CRPPA: variants seen among roughly 807,000 people sequenced by gnomAD.
The protein encoded by CRPPA is CDP-L-ribitol pyrophosphorylase A, also known as D-ribitol-5-phosphate cytidylyltransferase.
Under a neutral mutation model 52.0 loss-of-function variants are expected in CRPPA, and 43 were observed. The observed-to-expected ratio is 0.83, with a 90% CI of 0.65 to 1.07. The LOEUF (loss-of-function observed/expected upper bound fraction) is 1.07, where lower values mean the gene tolerates loss of function less well. Ranked by LOEUF, CRPPA falls within the 50% of genes least tolerant of loss-of-function variation. The probability of loss-of-function intolerance (pLI) is 0.00; values close to 1 mark genes in which losing one functional copy is unlikely to be tolerated. For missense variants in CRPPA, 629 were observed against 551.7 expected (o/e 1.14, Z -1.40); for synonymous variants, 250 against 203.5 (o/e 1.23, Z -1.94).
rs1781729830 is a variant in CRPPA at position 16,087,933 on chromosome 7, A to G, written c.*3762T>C. The G allele has an allele frequency of 6.6e-6, 1 of 152,330 alleles. No homozygotes were observed. The highest frequency in any genetic ancestry group is 1.9e-4 in the East Asian group (1 of 5,190). The allele number at this position is 152,330 out of a possible 1,614,324, so 9.4% of individuals were successfully genotyped here. On this transcript the variant is annotated 3_prime_UTR_variant, in exon 10 of 10. Transcript: ENST00000407010. ...AGACATTCTGTAATTTGATTTTTATAAGATGATCACTGTATTTACATAAAG... is the reference window on the plus strand; with the variant it reads ...AGACATTCTGTAATTTGATTTTTATGAGATGATCACTGTATTTACATAAAG...
chr7:16,237,540 A>T (rs1338889789), intron 8 of CRPPA: 1 of 152,144 alleles, frequency 6.6e-6, no homozygotes, highest in African/African-American at 2.4e-5. Flanking sequence ...TTAACCATAT[A>T]AATTTTGAGG....
rs1781730450 is a variant in CRPPA, at chr7:16,087,957, A to C, written c.*3738T>G. The stretch of plus-strand genomic sequence containing the variant: ...TAAGATGATCACTGTATTTACATAA[A>C]GTTGAGTTATAAGTTAGGGAAGAAA... On this transcript the variant is annotated 3_prime_UTR_variant, in exon 10 of 10. Coordinates refer to ENST00000407010, the MANE Select transcript of CRPPA (RefSeq NM_001101426.4). 1 of 152,200 alleles carries C rather than the reference A, an allele frequency of 6.6e-6. No homozygotes were observed. The highest frequency in any genetic ancestry group is 6.5e-5 in the Admixed American group (1 of 15,284). The allele number at this position is 152,200 out of a possible 1,614,324, so 9.4% of individuals were successfully genotyped here.
chr7:16,278,671 A>G lies in CRPPA; in HGVS notation c.836-445T>C, dbSNP rs1295126. Among the ~76,000 whole-genome samples the G allele has an allele frequency of 4.5e-3, 689 of 152,308 alleles. 4 individuals carry two copies. Among genetic ancestry groups the G allele is most frequent in the African/African-American group, 0.015 (627 of 41,562 alleles). On this transcript the variant is annotated intron_variant, in intron 5 of 9. Coordinates refer to ENST00000407010, the MANE Select transcript of CRPPA (RefSeq NM_001101426.4). The stretch of plus-strand genomic sequence containing the variant: ...GCCATCCAGTGCCTTGGTTAAGTAC[A>G]TTGTGTTCCTTGACATTCCTCTAGA...
intron 8 of CRPPA, 90 bp from the exon 9 acceptor site, chr7:16,216,287 G>C: frequency 1.3e-6 from 1 of 761,646 alleles, no homozygotes; most frequent in Non-Finnish European, 2.1e-6. Flanking sequence ...AAACCCATAT[G>C]ATTACAATAT....
At chr7:16,419,071 G>A (rs1333951814) in intron 1 of CRPPA, among the ~76,000 whole-genome samples, 2 of 152,172 alleles carry the variant, frequency 1.3e-5, no homozygotes, top group Non-Finnish European at 2.9e-5. Flanking sequence ...TAGGTAAGTG[G>A]TTCATGAAAT....
intron 9 of CRPPA, among the ~76,000 whole-genome samples, chr7:16,130,684 A>G (rs1260395423): frequency 1.3e-5 from 2 of 152,192 alleles, no homozygotes; most frequent in Non-Finnish European, 2.9e-5. Flanking sequence ...ATTAGTGTCT[A>G]TATCCTATTT....
chr7:16,114,315 C>A (rs1313222295), intron 9 of CRPPA, among the ~76,000 whole-genome samples: 2 of 151,080 alleles, frequency 1.3e-5, no homozygotes, highest in African/African-American at 2.4e-5. Context: ...CACACACACA[C>A]ACCTTTGATA....
Position 16,230,708 on chromosome 7 carries a change from T to A in CRPPA, c.1120-14511A>T, listed in dbSNP as rs1782769761. On this transcript the variant is annotated intron_variant, in intron 8 of 9. Coordinates refer to ENST00000407010, the MANE Select transcript of CRPPA (RefSeq NM_001101426.4). Reference sequence around the variant, plus strand: ...GTAATGTTTTCTTGATTGTTCTTGATGCTTTTGGTCATTTGTCAATGTCTG... The same window carrying A: ...GTAATGTTTTCTTGATTGTTCTTGAAGCTTTTGGTCATTTGTCAATGTCTG... Among the ~76,000 whole-genome samples the A allele has an allele frequency of 3.9e-5, 6 of 152,204 alleles. No homozygotes were observed. In the South Asian group the frequency reaches 1.2e-3, roughly 32 times the overall value.
At chr7:16,352,247 C>A (rs1479518472) in intron 3 of CRPPA, among the ~76,000 whole-genome samples, 2 of 151,510 alleles carry the variant, frequency 1.3e-5, no homozygotes, top group Admixed American at 1.3e-4. Context: ...GGGAACATGA[C>A]ACACCATGGC....
Position 16,258,451 on chromosome 7 carries a change from T to C in CRPPA, c.1058A>G (p.Lys353Arg), listed in dbSNP as rs777155055. ...ACTCTCTTCAAGCATGCTCAGTAAC[T>C]TCTGGGTTTCTTGAAAATCAGAGGT... The part of the protein sequence containing the change: ...VTTSDFQETQ[K>R]LLSMLEESSL... Residue 353 changes from lysine to arginine, a missense_variant, in exon 8 of 10, where the codon AAG (lysine) becomes AGG (arginine). By Grantham distance (26) the Lys-to-Arg change is conservative. Coordinates refer to ENST00000407010, the MANE Select transcript of CRPPA (RefSeq NM_001101426.4). 3.7e-6 allele frequency: 6 copies of C among 1,605,022 alleles called. No homozygotes were observed. The Admixed American group carries it at 6.8e-5, about 18-fold the overall frequency.
chr7:16,369,845 G>A (rs2128310916), intron 3 of CRPPA, among the ~76,000 whole-genome samples: 1 of 152,188 alleles, frequency 6.6e-6, no homozygotes, highest in Admixed American at 6.5e-5. Context: ...GAAAGAAGTG[G>A]CAGGCTGCAG....
At chr7:16,379,364 C>A (rs1044189846) in intron 2 of CRPPA, among the ~76,000 whole-genome samples, 2 of 152,112 alleles carry the variant, frequency 1.3e-5, no homozygotes, top group Non-Finnish European at 2.9e-5. Flanking sequence ...TGTTTCGGTA[C>A]CAGTACCATG....
intron 9 of CRPPA, among the ~76,000 whole-genome samples, chr7:16,112,892 T>C (rs950154059): frequency 1.3e-5 from 2 of 152,024 alleles, no homozygotes; most frequent in African/African-American, 2.4e-5. Flanking sequence ...TTTCCCCTGA[T>C]GGAATATGTA....
chr7:16,203,833 T>C (rs1200294014), intron 9 of CRPPA, among the ~76,000 whole-genome samples: 1 of 152,200 alleles, frequency 6.6e-6, no homozygotes, highest in East Asian at 1.9e-4. Context: ...CCTCCTCCAG[T>C]AAATTTAGCT....
chr7:16,221,571 T>G (rs1301892979), intron 8 of CRPPA, among the ~76,000 whole-genome samples: 4 of 151,858 alleles, frequency 2.6e-5, no homozygotes, highest in East Asian at 3.9e-4. Flanking sequence ...ATATCCAGAA[T>G]CTACAATGAA....
At chr7:16,367,813 T>C (rs559410117) in intron 3 of CRPPA, among the ~76,000 whole-genome samples, 1 of 152,256 alleles carries the variant, frequency 6.6e-6, no homozygotes, top group Non-Finnish European at 1.5e-5. Flanking sequence ...TTCAATTAAG[T>C]TAAACAGGCA....
intron 9 of CRPPA, among the ~76,000 whole-genome samples, chr7:16,159,883 G>A (rs916249541): frequency 6.6e-6 from 1 of 152,022 alleles, no homozygotes; most frequent in South Asian, 2.1e-4. Flanking sequence ...GTTTCCTGAC[G>A]TTTTAATGAT....
chr7:16,286,849 G>A (rs1784462165), intron 5 of CRPPA, among the ~76,000 whole-genome samples: 1 of 152,092 alleles, frequency 6.6e-6, no homozygotes, highest in Admixed American at 6.6e-5. Flanking sequence ...AAGTATTCCT[G>A]AGGAAAGGCT....
intron 5 of CRPPA, among the ~76,000 whole-genome samples, chr7:16,295,034 T>A (rs1416729999): frequency 1.3e-5 from 2 of 152,124 alleles, no homozygotes; most frequent in Non-Finnish European, 2.9e-5. Flanking sequence ...TATTCCTAGT[T>A]CTCAGCAATT....
Sources: gnomAD v4.1 joint callset for allele counts (sites outside exome capture counted in the v4.1 genomes callset) on GRCh38, gnomAD v4.1.1 for gene constraint, MANE v1.5 for transcripts, NCBI Gene and HGNC (gene_info 2026-07-23, HGNC 2026-07-21) for gene names.